The following HERC3 variants were observed in gnomAD, a reference collection of about 807,000 sequenced individuals.
The protein encoded by HERC3 is HECT and RLD domain containing E3 ubiquitin protein ligase 3, also known as probable E3 ubiquitin-protein ligase HERC3.
In HERC3, 58 loss-of-function variants were observed where a neutral mutation model predicts 129.9. That is an observed-to-expected ratio of 0.45 (90% confidence interval 0.36 to 0.56). The LOEUF is 0.56. Ranked by LOEUF, HERC3 falls within the 20% of genes least tolerant of loss-of-function variation. The pLI, the probability that HERC3 is intolerant of heterozygous loss-of-function variation, is 0.00. For missense variants in HERC3, 835 were observed against 1,244.2 expected, an observed-to-expected ratio of 0.67 and a Z score of 4.95; for synonymous variants, 430 against 451.0, an observed-to-expected ratio of 0.95 and a Z score of 0.59.
upstream of HERC3, among the ~76,000 whole-genome samples, chr4:88,591,420 T>G (rs976187094): frequency 9.9e-5 from 15 of 152,190 alleles, no homozygotes; most frequent in African/African-American, 3.6e-4. Flanking sequence ...GTCAGTCTGT[T>G]AGGTTCTCAG....
At chr4:88,526,818 C>T in the HERC3 span, among the ~76,000 whole-genome samples, 13 of 152,202 alleles carry the variant, frequency 8.5e-5, no homozygotes, top group African/African-American at 3.1e-4. Context: ...CAGGCATAAG[C>T]CACTGTGCCC....
At chr4:88,608,519 A>G (rs984994805) in intron 3 of HERC3, among the ~76,000 whole-genome samples, 6 of 152,234 alleles carry the variant, frequency 3.9e-5, no homozygotes, top group Admixed American at 2.6e-4. Context: ...ATTCAGTTGA[A>G]AATGCCACTA....
chr4:88,566,136 C>A, the HERC3 span, among the ~76,000 whole-genome samples: 1 of 152,098 alleles, frequency 6.6e-6, no homozygotes, highest in African/African-American at 2.4e-5. Flanking sequence ...CATCCTTCAC[C>A]CTCCAAAAGG....
intron 18 of HERC3, among the ~76,000 whole-genome samples, chr4:88,676,840 A>G (rs1327348428): frequency 6.6e-6 from 1 of 152,192 alleles, no homozygotes; most frequent in Non-Finnish European, 1.5e-5. Flanking sequence ...TTTTTCACCC[A>G]TTAAAAAAAT....
At chr4:88,640,063 A>T (rs1012497759) in intron 3 of HERC3, among the ~76,000 whole-genome samples, 2 of 152,250 alleles carry the variant, frequency 1.3e-5, no homozygotes, top group African/African-American at 4.8e-5. Flanking sequence ...CGATTATTAA[A>T]AAGTTGAGAA....
chr4:88,701,779 T>TAA (rs1180887963), intron 23 of HERC3, among the ~76,000 whole-genome samples: 1 of 151,878 alleles, frequency 6.6e-6, no homozygotes, highest in Non-Finnish European at 1.5e-5. Flanking sequence ...ATACTTTTTA[T>TAA]AATAAACATG....
At chr4:88,549,336 A>G in the HERC3 span, among the ~76,000 whole-genome samples, 1 of 151,602 alleles carries the variant, frequency 6.6e-6, no homozygotes, top group Admixed American at 6.6e-5. Flanking sequence ...AAAAAACAGC[A>G]TTTTAGATTC....
At chr4:88,537,000 C>T in the HERC3 span, among the ~76,000 whole-genome samples, 1 of 152,076 alleles carries the variant, frequency 6.6e-6, no homozygotes. Flanking sequence ...ATTTCTGTAG[C>T]TAGATTTTAA....
At chr4:88,662,116 CCA>C (rs1379195657) in intron 10 of HERC3, among the ~76,000 whole-genome samples, 3 of 152,108 alleles carry the variant, frequency 2.0e-5, no homozygotes, top group Non-Finnish European at 2.9e-5. Flanking sequence ...TCAGCCAGTC[CCA>C]TGAGGAGCAC....
At chr4:88,690,811 C>T (rs1181962703) in intron 23 of HERC3, among the ~76,000 whole-genome samples, 2 of 152,206 alleles carry the variant, frequency 1.3e-5, no homozygotes, top group African/African-American at 2.4e-5. Context: ...GTCACTCTCA[C>T]TGTCTTTCTC....
At chr4:88,690,632 C>T in intron 23 of HERC3, 1 of 984,642 alleles carries the variant, frequency 1.0e-6, no homozygotes, top group South Asian at 4.7e-5. Context: ...CAGGAATAGG[C>T]AATTGGCAAT....
At chr4:88,574,427 C>T in the HERC3 span, among the ~76,000 whole-genome samples, 1 of 152,120 alleles carries the variant, frequency 6.6e-6, no homozygotes, top group Non-Finnish European at 1.5e-5. Context: ...TGGTAAAATA[C>T]ATGCAACATA....
At chr4:88,549,235 G>C in the HERC3 span, among the ~76,000 whole-genome samples, 3 of 151,780 alleles carry the variant, frequency 2.0e-5, no homozygotes, top group Non-Finnish European at 4.4e-5. Context: ...CATTTTTGGG[G>C]GGGTGAGTGT....
chr4:88,543,375 A>C, the HERC3 span, among the ~76,000 whole-genome samples: 2 of 152,312 alleles, frequency 1.3e-5, no homozygotes, highest in Non-Finnish European at 2.9e-5. Flanking sequence ...TCAAACTTAC[A>C]AGGGATGTGA....
intron 12 of HERC3, among the ~76,000 whole-genome samples, chr4:88,665,448 G>C (rs2149294280): frequency 6.6e-6 from 1 of 152,338 alleles, no homozygotes; most frequent in East Asian, 1.9e-4. Flanking sequence ...GGAGAAGAAG[G>C]ATGTCCTAGT....
At chr4:88,537,623 G>A in the HERC3 span, among the ~76,000 whole-genome samples, 2 of 152,174 alleles carry the variant, frequency 1.3e-5, no homozygotes, top group Non-Finnish European at 2.9e-5. Context: ...CAGGGATGAG[G>A]TTATATTGAA....
At chr4:88,641,981 T>A (rs1299625805) in intron 3 of HERC3, among the ~76,000 whole-genome samples, 2 of 150,994 alleles carry the variant, frequency 1.3e-5, no homozygotes. Flanking sequence ...ATAAAAAAAA[T>A]TAACTTGGGC....
intron 6 of HERC3, 49 bp from the exon 7 acceptor site, chr4:88,653,993 C>T: frequency 7.4e-7 from 1 of 1,354,992 alleles, no homozygotes; most frequent in Non-Finnish European, 1.1e-6. Context: ...GTGTATATTT[C>T]ATCTCAAAGG....
intron 23 of HERC3, chr4:88,697,536 C>T (rs1164543169): frequency 1.2e-6 from 2 of 1,614,162 alleles, no homozygotes; most frequent in Non-Finnish European, 1.7e-6. Flanking sequence ...CCGAATTAGG[C>T]AGGCTCTCGA....
Sources: allele counts gnomAD v4.1 joint callset (sites outside exome capture counted in the v4.1 genomes callset), GRCh38; gene constraint gnomAD v4.1.1; transcripts MANE v1.5; gene names NCBI Gene and HGNC (gene_info 2026-07-23, HGNC 2026-07-21).